The following ARL15 variants were observed in gnomAD, a reference collection of about 807,000 sequenced individuals.
ARL15 encodes ARF like GTPase 15, also known as ADP-ribosylation factor-like protein 15.
In ARL15, 19 loss-of-function variants were observed where a neutral mutation model predicts 25.2. The observed-to-expected ratio is 0.75, with a 90% CI of 0.53 to 1.10. The LOEUF (loss-of-function observed/expected upper bound fraction) is 1.10. Ranked by LOEUF, ARL15 falls within the 50% of genes least tolerant of loss-of-function variation. The pLI, the probability that ARL15 is intolerant of heterozygous loss-of-function variation, is 0.00. For missense variants in ARL15, 220 were observed against 246.0 expected, an observed-to-expected ratio of 0.89 and a Z score of 0.71; for synonymous variants, 94 against 86.8, an observed-to-expected ratio of 1.08 and a Z score of -0.46.
At chr5:54,218,582 G>A (rs1234412852) in intron 1 of ARL15, among the ~76,000 whole-genome samples, 1 of 152,110 alleles carries the variant, frequency 6.6e-6, no homozygotes, top group East Asian at 1.9e-4. Flanking sequence ...TCCAAGTCTG[G>A]CACTGGATTC....
At chr5:54,299,079 T>C (rs1033717208) in intron 1 of ARL15, among the ~76,000 whole-genome samples, 2 of 151,982 alleles carry the variant, frequency 1.3e-5, no homozygotes, top group African/African-American at 4.8e-5. Context: ...ATCTTATTTT[T>C]TTGTAGAGAC....
intron 1 of ARL15, among the ~76,000 whole-genome samples, chr5:54,232,381 A>G (rs1756694116): frequency 6.6e-6 from 1 of 152,174 alleles, no homozygotes; most frequent in African/African-American, 2.4e-5. Context: ...GCCATTCTCA[A>G]AAAGGTAGGC....
chr5:54,149,271 C>T (rs568669959), intron 3 of ARL15, among the ~76,000 whole-genome samples: 10 of 152,202 alleles, frequency 6.6e-5, no homozygotes, highest in South Asian at 4.2e-4. Context: ...TATTAACGCA[C>T]GCACAGTGCC....
At chr5:54,088,654 T>C (rs1210644574) in intron 4 of ARL15, among the ~76,000 whole-genome samples, 1 of 152,164 alleles carries the variant, frequency 6.6e-6, no homozygotes, top group Non-Finnish European at 1.5e-5. Flanking sequence ...TAGTGAAGCA[T>C]AAACTCCTAG....
chr5:54,208,833 G>C (rs1309889138), intron 1 of ARL15, among the ~76,000 whole-genome samples: 1 of 152,058 alleles, frequency 6.6e-6, no homozygotes. Context: ...CATGCAGCAG[G>C]GCTGGTCAAC....
At chr5:54,297,821 C>T (rs1758505770) in intron 1 of ARL15, among the ~76,000 whole-genome samples, 1 of 152,078 alleles carries the variant, frequency 6.6e-6, no homozygotes, top group Admixed American at 6.5e-5. Context: ...CTCGCTCTGT[C>T]GCCCAGGCTG....
chr5:53,975,162 C>CT (rs1321043215), intron 4 of ARL15, among the ~76,000 whole-genome samples: 2 of 152,098 alleles, frequency 1.3e-5, no homozygotes, highest in African/African-American at 4.8e-5. Flanking sequence ...CCTTCCCATT[C>CT]TAAGTATTTC....
chr5:54,177,058 C>A (rs529648914), intron 1 of ARL15, among the ~76,000 whole-genome samples: 1 of 152,294 alleles, frequency 6.6e-6, no homozygotes, highest in African/African-American at 2.4e-5. Context: ...TATAAGTATA[C>A]CCTCTTGGGG....
intron 4 of ARL15, among the ~76,000 whole-genome samples, chr5:54,057,449 C>T (rs1413350737): frequency 2.6e-5 from 4 of 152,182 alleles, no homozygotes; most frequent in Non-Finnish European, 5.9e-5. Context: ...AAAGTACCAT[C>T]ATGTTCTTTT....
Position 53,884,033 on chromosome 5 carries a change from AC to A in ARL15, c.*2527del, listed in dbSNP as rs1289162177. The A allele has an allele frequency of 1.3e-5, 2 of 152,218 alleles. No homozygotes were observed. Among genetic ancestry groups the A allele is most frequent in the African/African-American group, 2.4e-5 (1 of 41,466 alleles). 9.4% of individuals were successfully genotyped at this position (152,218 alleles called of 1,614,324 possible). A position where few individuals can be genotyped will look rare whatever the true frequency, so the allele number is the denominator to read the frequency against. Reference sequence around the variant, plus strand: ...AGTTGGTCTTGCCTGGTAAATGTCCACATGAATCTGTTAGCCTCTAAGTACA... The same window carrying A: ...AGTTGGTCTTGCCTGGTAAATGTCCAATGAATCTGTTAGCCTCTAAGTACA... On this transcript the variant is annotated 3_prime_UTR_variant, in exon 5 of 5. Transcript: ENST00000504924.
At chr5:53,895,101 A>T (rs1744831822) in intron 4 of ARL15, among the ~76,000 whole-genome samples, 1 of 152,170 alleles carries the variant, frequency 6.6e-6, no homozygotes, top group Non-Finnish European at 1.5e-5. Context: ...ATAGAAAATA[A>T]AAAGTCAACC....
intron 3 of ARL15, among the ~76,000 whole-genome samples, chr5:54,130,093 C>T (rs1020801548): frequency 4.6e-5 from 7 of 152,008 alleles, no homozygotes; most frequent in Non-Finnish European, 8.8e-5. Context: ...AAAAAATCAG[C>T]CAGATATGGT....
intron 1 of ARL15, among the ~76,000 whole-genome samples, chr5:54,245,710 C>A (rs1347045925): frequency 1.3e-5 from 2 of 152,078 alleles, no homozygotes; most frequent in Admixed American, 6.5e-5. Flanking sequence ...GCCTCAGCCT[C>A]CCAAGTAGCT....
chr5:54,285,527 T>TA (rs989479097), intron 1 of ARL15, among the ~76,000 whole-genome samples: 5 of 152,238 alleles, frequency 3.3e-5, no homozygotes, highest in African/African-American at 1.2e-4. Context: ...AGCTATTTTT[T>TA]ATACTTAACA....
chr5:54,080,355 G>A (rs1751756831), intron 4 of ARL15, among the ~76,000 whole-genome samples: 3 of 152,154 alleles, frequency 2.0e-5, no homozygotes, highest in African/African-American at 7.2e-5. Flanking sequence ...CAAATGATAT[G>A]GTATTCAAGT....
intron 4 of ARL15, among the ~76,000 whole-genome samples, chr5:54,112,476 C>T (rs1039146188): frequency 1.3e-5 from 2 of 152,130 alleles, no homozygotes; most frequent in African/African-American, 2.4e-5. Context: ...CTGAAAGTTA[C>T]AAGTATAAAG....
intron 1 of ARL15, among the ~76,000 whole-genome samples, chr5:54,256,604 AAG>A (rs971151124): frequency 2.1e-5 from 3 of 143,118 alleles, no homozygotes; most frequent in African/African-American, 8.0e-5. Context: ...AAAAGCATGA[AAG>A]AATGTAAAAA....
intron 4 of ARL15, among the ~76,000 whole-genome samples, chr5:54,100,866 A>G (rs1054099231): frequency 2.0e-5 from 3 of 152,102 alleles, no homozygotes; most frequent in Non-Finnish European, 2.9e-5. Context: ...AGAGCTGAAC[A>G]GGGCACTTGA....
intron 4 of ARL15, among the ~76,000 whole-genome samples, chr5:53,925,291 G>C (rs1464501198): frequency 1.3e-5 from 2 of 151,690 alleles, no homozygotes; most frequent in East Asian, 3.9e-4. Flanking sequence ...CAATGTCCAA[G>C]CTCAAGTGAT....
Sources: gnomAD v4.1 joint callset for allele counts (sites outside exome capture counted in the v4.1 genomes callset) on GRCh38, gnomAD v4.1.1 for gene constraint, MANE v1.5 for transcripts, NCBI Gene and HGNC (gene_info 2026-07-23, HGNC 2026-07-21) for gene names.